The following ANKRD44 variants were observed in gnomAD, a reference collection of about 807,000 sequenced individuals.
ANKRD44 encodes the protein serine/threonine-protein phosphatase 6 regulatory ankyrin repeat subunit B.
Under a neutral mutation model 116.0 loss-of-function variants are expected in ANKRD44, and 35 were observed. The ratio of observed to expected loss-of-function variants is 0.30; its 90% CI spans 0.23 to 0.40. The LOEUF is 0.40. ANKRD44 is among the 10% of genes least tolerant of loss of function. The probability of loss-of-function intolerance (pLI) is 1.00; values close to 1 mark genes in which losing one functional copy is unlikely to be tolerated. For missense variants in ANKRD44, 1,014 were observed against 1,242.6 expected (o/e 0.82, Z 2.77); for synonymous variants, 435 against 461.8 (o/e 0.94, Z 0.74).
chr2:197,113,942 T>C (rs1460461607), intron 8 of ANKRD44, among the ~76,000 whole-genome samples: 1 of 152,014 alleles, frequency 6.6e-6, no homozygotes, highest in East Asian at 1.9e-4. Flanking sequence ...GCATTAAGAG[T>C]ATCATGGCAG....
chr2:197,001,879 A>G, intron 21 of ANKRD44, 39 bp from the exon 22 acceptor site: 2 of 1,532,698 alleles, frequency 1.3e-6, no homozygotes, highest in Admixed American at 3.5e-5. Flanking sequence ...TTTCCAAGAA[A>G]GAAATTTTGT....
At chr2:197,118,551 T>C (rs1260434148) in intron 8 of ANKRD44, among the ~76,000 whole-genome samples, 1 of 150,760 alleles carries the variant, frequency 6.6e-6, no homozygotes, top group East Asian at 2.0e-4. Context: ...GATCCTGCCA[T>C]TGCACTCTAG....
At chr2:197,262,992 A>C in intron 1 of ANKRD44, 1 of 212,142 alleles carries the variant, frequency 4.7e-6, no homozygotes, top group Non-Finnish European at 9.7e-6. Flanking sequence ...ATTAAGCAAG[A>C]TATCATATTG....
chr2:197,310,663 G>A lies in ANKRD44; in HGVS notation c.-59C>T. The A allele has an allele frequency of 7.6e-7, 1 of 1,316,060 alleles. No individual in the cohort carries two copies. Among genetic ancestry groups the A allele is most frequent in the Non-Finnish European group, 9.9e-7 (1 of 1,010,430 alleles). The allele number at this position is 1,316,060 out of a possible 1,614,324, so 81.5% of individuals were successfully genotyped here. On this transcript the variant is annotated 5_prime_UTR_variant, in exon 1 of 28. Transcript: ENST00000282272. ...TCCCCGGCCCGCAGATGTCACGCCG[G>A]GAGCCGGGGAAGCGGAAGGGATTGC...
In ANKRD44 at chr2:197,170,190, C is replaced by CAAAAAAAAAAAAA. The variant is rs71012960; in HGVS notation, c.111+16820_111+16832dup. On this transcript the variant is annotated intron_variant, in intron 2 of 27. Transcript: ENST00000282272. ...GGGCGATAGAACAAGACCCTGTTTC[C>CAAAAAAAAAAAAA]AAAAAAAAAAAAAAAAAAAAAAAAC... Among the ~76,000 whole-genome samples, 8 of 119,752 alleles carry CAAAAAAAAAAAAA rather than the reference C, an allele frequency of 6.7e-5. No homozygotes were observed. In the East Asian group the frequency reaches 7.2e-4, roughly 11 times the overall value. The allele number at this position is 119,752 out of a possible 152,430, so 78.6% of individuals were successfully genotyped here. A position where few individuals can be genotyped will look rare whatever the true frequency, so the allele number is the denominator to read the frequency against.
At chr2:197,063,369 A>G (rs953029378) in intron 16 of ANKRD44, among the ~76,000 whole-genome samples, 8 of 152,206 alleles carry the variant, frequency 5.3e-5, no homozygotes, top group African/African-American at 1.7e-4. Context: ...AGAGCAGAAA[A>G]GCTGAAAATT....
intron 11 of ANKRD44, 115 bp downstream of exon 11, chr2:197,089,835 C>T (rs1015601134): frequency 2.8e-5 from 22 of 787,870 alleles, no homozygotes; most frequent in African/African-American, 2.4e-4. Flanking sequence ...CTCATCCTGA[C>T]GAGTCAGGTA....
At chr2:197,102,146 C>A (rs534180115) in intron 9 of ANKRD44, among the ~76,000 whole-genome samples, 2 of 152,132 alleles carry the variant, frequency 1.3e-5, no homozygotes, top group South Asian at 4.2e-4. Context: ...TCTTGGAGAT[C>A]TTCCTGATTT....
At chr2:197,146,203 C>G (rs1335754738) in intron 3 of ANKRD44, among the ~76,000 whole-genome samples, 3 of 152,180 alleles carry the variant, frequency 2.0e-5, no homozygotes, top group Admixed American at 2.0e-4. Flanking sequence ...GTTTGCTATA[C>G]TCCCTTCTAA....
At chr2:197,239,865 C>T (rs1439057160) in intron 1 of ANKRD44, among the ~76,000 whole-genome samples, 1 of 152,114 alleles carries the variant, frequency 6.6e-6, no homozygotes, top group Non-Finnish European at 1.5e-5. Context: ...ACCAGGTGAA[C>T]ACCTATGTAA....
intron 1 of ANKRD44, among the ~76,000 whole-genome samples, chr2:197,219,857 G>C (rs1180385263): frequency 1.3e-5 from 2 of 152,154 alleles, no homozygotes; most frequent in South Asian, 2.1e-4. Flanking sequence ...TGTGCCAAGA[G>C]GGCAAATCTC....
At chr2:197,095,302 G>C (rs1428908424) in intron 10 of ANKRD44, among the ~76,000 whole-genome samples, 1 of 152,140 alleles carries the variant, frequency 6.6e-6, no homozygotes, top group African/African-American at 2.4e-5. Context: ...TACTGGCATG[G>C]GCCAGTGAGA....
rs1009250154 is a variant in ANKRD44 at position 197,221,069 on chromosome 2, G to A, written c.28-33963C>T. On this transcript the variant is annotated intron_variant, in intron 1 of 27. Transcript: ENST00000282272. ...GTTCGAGGTCAGCCTGGCCAATGTG[G>A]TGAAACCCCGTCTCTACTAAAAAAT... 2.0e-5 allele frequency among the ~76,000 whole-genome samples: 3 copies of A among 152,100 alleles called. No homozygotes were observed. The South Asian group carries it at 6.2e-4, about 32-fold the overall frequency.
rs532195080 is a variant in ANKRD44, at chr2:197,212,698, A to C, written c.28-25592T>G. On this transcript the variant is annotated intron_variant, in intron 1 of 27. Transcript: ENST00000282272. This position sits in a 1 kb window ranked among gnomAD's most constrained non-coding sequence, Gnocchi z 4.8. ...ACTTCTACATGAGTAAAAATTCTGCATCACAGCAACTGCAGTGGTGTCATG... is the reference window on the plus strand; with the variant it reads ...ACTTCTACATGAGTAAAAATTCTGCCTCACAGCAACTGCAGTGGTGTCATG... Among the ~76,000 whole-genome samples the C allele has an allele frequency of 6.6e-6, 1 of 152,340 alleles. No homozygotes were observed. Among genetic ancestry groups the C allele is most frequent in the South Asian group, 2.1e-4 (1 of 4,830 alleles).
chr2:197,239,597 A>T (rs1020088400), intron 1 of ANKRD44, among the ~76,000 whole-genome samples: 4 of 152,230 alleles, frequency 2.6e-5, no homozygotes, highest in African/African-American at 9.6e-5. Flanking sequence ...ATATTGGGGA[A>T]CAGTCAGCAG....
chr2:197,054,474 C>T (rs755141141), intron 16 of ANKRD44, among the ~76,000 whole-genome samples: 1 of 152,154 alleles, frequency 6.6e-6, no homozygotes, highest in Non-Finnish European at 1.5e-5. Flanking sequence ...AACATGTCCC[C>T]TTAAAATTAA....
intron 1 of ANKRD44, among the ~76,000 whole-genome samples, chr2:197,275,428 CAA>C (rs527811437): frequency 0.41 from 40,002 of 96,498 alleles, 5,973 homozygotes; most frequent in East Asian, 0.57. Flanking sequence ...CCAGTCTCTT[CAA>C]AAAAAAAAAA....
chr2:197,050,056 T>C (rs1221830102), intron 16 of ANKRD44, among the ~76,000 whole-genome samples: 1 of 152,146 alleles, frequency 6.6e-6, no homozygotes, highest in African/African-American at 2.4e-5. Context: ...GGCTGGCATC[T>C]GCTCAGCTTC....
intron 2 of ANKRD44, among the ~76,000 whole-genome samples, chr2:197,185,501 A>G (rs2080633060): frequency 1.3e-5 from 2 of 152,034 alleles, no homozygotes; most frequent in African/African-American, 4.8e-5. Context: ...TTTAAAGAGA[A>G]CTCCTCTCCC....
Sources: allele counts gnomAD v4.1 joint callset (sites outside exome capture counted in the v4.1 genomes callset), GRCh38; gene constraint gnomAD v4.1.1; non-coding constraint Gnocchi (gnomAD v3.1); transcripts MANE v1.5; gene names NCBI Gene and HGNC (gene_info 2026-07-23, HGNC 2026-07-21).